Variants in LAMB4 observed in about 807,000 individuals in gnomAD.
The protein encoded by LAMB4 is laminin subunit beta-4.
Under a neutral mutation model 199.2 loss-of-function variants are expected in LAMB4, and 196 were observed. That is an observed-to-expected ratio of 0.98 (90% CI 0.88 to 1.11). The LOEUF (loss-of-function observed/expected upper bound fraction) is 1.11, where lower values mean the gene tolerates loss of function less well. LAMB4 is among the 50% of genes least tolerant of loss of function. LAMB4 has a pLI of 0.00. For synonymous variants in LAMB4, 744 were observed against 770.6 expected (o/e 0.97, Z 0.57); for missense variants, 2,080 against 2,171.2 (o/e 0.96, Z 0.83).
chr7:108,064,130 C>T (rs1196484233), intron 21 of LAMB4, 145 bp from the exon 22 acceptor site: 6 of 631,194 alleles, frequency 9.5e-6, no homozygotes, highest in Non-Finnish European at 1.4e-5. Context: ...GAAAAGTGTT[C>T]TAAGTGAAAC....
At chr7:108,064,748 G>C (rs2036277539) in intron 21 of LAMB4, among the ~76,000 whole-genome samples, 1 of 152,096 alleles carries the variant, frequency 6.6e-6, no homozygotes, top group Non-Finnish European at 1.5e-5. Context: ...TAACAAATGA[G>C]GGGAAAATCA....
chr7:108,060,955 C>T (rs1418157518), intron 23 of LAMB4, among the ~76,000 whole-genome samples: 1 of 152,198 alleles, frequency 6.6e-6, no homozygotes, highest in African/African-American at 2.4e-5. Context: ...GATGATATAA[C>T]AGTCTGACAA....
At chr7:108,081,078 C>T (rs566073035) in intron 14 of LAMB4, among the ~76,000 whole-genome samples, 205 of 152,178 alleles carry the variant, frequency 1.3e-3, no homozygotes, top group Non-Finnish European at 2.2e-3. Context: ...GTCGAGATCG[C>T]GCCACTGCAC....
At chr7:108,097,485 A>C (rs1016579039) in intron 11 of LAMB4, among the ~76,000 whole-genome samples, 3 of 152,202 alleles carry the variant, frequency 2.0e-5, no homozygotes, top group African/African-American at 7.2e-5. Flanking sequence ...GGGGAAACAT[A>C]ATTTAAAAAA....
In LAMB4 at chr7:108,065,862, C is replaced by T. The variant is rs1343653999; in HGVS notation, c.2736G>A (p.Leu912=). 8 of 1,613,986 alleles carry T rather than the reference C, an allele frequency of 5.0e-6. 1 individual carries two copies. Among genetic ancestry groups the T allele is most frequent in the South Asian group, 4.4e-5 (4 of 91,080 alleles). The part of the protein sequence containing the change: ...PSSGQPCRPC[L]CPDDPSSNQY... ...GATTGCTTGAGGGATCATCTGGACA[C>T]AGGCAAGGACGACAGGGCTGTCCTG... Residue 912 remains leucine, a synonymous_variant, in exon 21 of 34, where the codon CTG becomes CTA. Transcript: ENST00000388781.
At chr7:108,034,187 A>G in intron 31 of LAMB4, 21 bp downstream of exon 31, 2 of 1,612,708 alleles carry the variant, frequency 1.2e-6, no homozygotes, top group Non-Finnish European at 1.7e-6. Context: ...ATTTCAGGTT[A>G]GTTTCAAAGA....
intron 29 of LAMB4, among the ~76,000 whole-genome samples, chr7:108,038,040 C>T (rs1350597072): frequency 6.6e-6 from 1 of 152,192 alleles, no homozygotes; most frequent in Non-Finnish European, 1.5e-5. Context: ...AAAAGTCTCA[C>T]AATTTTTGCT....
intron 28 of LAMB4, among the ~76,000 whole-genome samples, chr7:108,044,955 C>CAAAAAAAAAA (rs756256335): frequency 7.9e-4 from 44 of 55,670 alleles, no homozygotes; most frequent in Non-Finnish European, 1.1e-3. Context: ...ATTCTTGTCT[C>CAAAAAAAAAA]AAAAAAAAAA....
intron 2 of LAMB4, among the ~76,000 whole-genome samples, chr7:108,121,155 G>A (rs58081542): frequency 0.086 from 13,096 of 152,202 alleles, 1,831 homozygotes; most frequent in African/African-American, 0.29. Context: ...GTTCCTAAAA[G>A]ATGACGCAAC....
In LAMB4 at chr7:108,079,634, C is replaced by T. The variant is rs886308277; in HGVS notation, c.1854G>A (p.Val618=). ...RFAVNNIPFP[V]DFTIAIHYET... ...CATAGTGAATGGCAATGGTGAAGTCCACAGGAAAGGGAATGTTGTTGACAG... is the reference window on the plus strand; with the variant it reads ...CATAGTGAATGGCAATGGTGAAGTCTACAGGAAAGGGAATGTTGTTGACAG... Residue 618 remains valine (V), a synonymous_variant, in exon 15 of 34, where the codon GTG becomes GTA. Transcript: ENST00000388781. The T allele has an allele frequency of 3.7e-6, 6 of 1,611,476 alleles. No homozygotes were observed. The highest frequency in any genetic ancestry group is 5.1e-6 in the Non-Finnish European group (6 of 1,179,070).
intron 18 of LAMB4, among the ~76,000 whole-genome samples, chr7:108,068,979 C>A (rs1189684721): frequency 6.6e-6 from 1 of 152,192 alleles, no homozygotes; most frequent in Non-Finnish European, 1.5e-5. Flanking sequence ...ACCCACCATG[C>A]CCGGTCCCCC....
rs1300343346 is a variant in LAMB4, at chr7:108,047,931, G to A, written c.4303C>T (p.Gln1435Ter). The change falls in exon 28 of 34, where the codon CAG (glutamine) becomes TAG (stop). Residue 1435 changes from glutamine to a stop codon, truncating the protein, a stop_gained. Coordinates refer to ENST00000388781, the MANE Select transcript of LAMB4 (RefSeq NM_007356.3). LOFTEE classifies it high-confidence loss of function. ...ACCTGATTTTTCAACCCACGAACCTGTTTGTCCAAATTACGAATAATGGAT... is the reference window on the plus strand; with the variant it reads ...ACCTGATTTTTCAACCCACGAACCTATTTGTCCAAATTACGAATAATGGAT... ...AKSIIRNLDKQVRGLKNQIES... is the reference protein window; with the variant it reads ...AKSIIRNLDK 2.5e-6 allele frequency: 4 copies of A among 1,614,048 alleles called. No individual in the cohort carries two copies. The highest frequency in any genetic ancestry group is 1.1e-5 in the South Asian group (1 of 91,090).
intron 33 of LAMB4, among the ~76,000 whole-genome samples, chr7:108,024,714 GATCCATCCATCC>G (rs772231270): frequency 1.3e-5 from 2 of 151,090 alleles, no homozygotes; most frequent in Non-Finnish European, 2.9e-5. Context: ...TCGATCCATT[GATCCATCCATCC>G]ATCCATCCAT....
At chr7:108,102,241 AACT>A (rs2037839357) in intron 10 of LAMB4, among the ~76,000 whole-genome samples, 1 of 152,262 alleles carries the variant, frequency 6.6e-6, no homozygotes, top group African/African-American at 2.4e-5. Flanking sequence ...AAAATGGAAG[AACT>A]AAGACTACCT....
At position 108,103,137 on chromosome 7, in the gene LAMB4, G is replaced by A. The variant is rs1003395914; in HGVS notation, c.1087C>T (p.Gln363Ter). The A allele has an allele frequency of 9.9e-6, 16 of 1,613,288 alleles. No homozygotes were observed. The highest frequency in any genetic ancestry group is 1.3e-5 in the African/African-American group (1 of 74,920). The stretch of plus-strand genomic sequence containing the variant: ...CAGTGCTGCCCCTCAGTGTTGTGCT[G>A]GCAGTCTTCACACACGCCCCCGCTG... ...GLSGGVCEDC[Q>*]HNTEGQHCDR... Residue 363 changes from glutamine (Q) to a stop codon, truncating the protein, a stop_gained, in exon 10 of 34, where the codon CAG becomes TAG. Transcript: ENST00000388781. LOFTEE classifies it high-confidence loss of function.
At chr7:108,021,198 C>A (rs1275180842), downstream of LAMB4, among the ~76,000 whole-genome samples, 3 of 152,076 alleles carry the variant, frequency 2.0e-5, no homozygotes, top group African/African-American at 7.2e-5. Flanking sequence ...TGGTGGTTAA[C>A]TTTACAATTT....
intron 1 of LAMB4, among the ~76,000 whole-genome samples, chr7:108,129,403 G>T (rs1056376327): frequency 8.5e-5 from 13 of 152,196 alleles, no homozygotes; most frequent in Middle Eastern, 3.4e-3. Flanking sequence ...TAAAGTGACA[G>T]TTCTCAGAAA....
chr7:108,101,209 T>G (rs946050456), intron 10 of LAMB4, among the ~76,000 whole-genome samples: 7 of 152,200 alleles, frequency 4.6e-5, no homozygotes, highest in Admixed American at 4.6e-4. Flanking sequence ...TCCTGAACGT[T>G]CTTGCTAAGT....
chr7:108,039,523 C>T (rs1319029484), intron 29 of LAMB4, among the ~76,000 whole-genome samples: 2 of 146,254 alleles, frequency 1.4e-5, no homozygotes, highest in Admixed American at 1.4e-4. Context: ...GGCTGGAGTG[C>T]AGTGGTGCGA....
Sources: gnomAD v4.1 joint callset for allele counts (sites outside exome capture counted in the v4.1 genomes callset) on GRCh38, gnomAD v4.1.1 for gene constraint, MANE v1.5 for transcripts, NCBI Gene and HGNC (gene_info 2026-07-23, HGNC 2026-07-21) for gene names.